The following ARVCF variants were observed in gnomAD, a reference collection of about 807,000 sequenced individuals.
ARVCF encodes ARVCF delta catenin family member.
In ARVCF, 66 loss-of-function variants were observed where a neutral mutation model predicts 90.9. The ratio of observed to expected loss-of-function variants is 0.73; its 90% CI spans 0.60 to 0.89. ARVCF has a LOEUF of 0.89. ARVCF is among the 40% of genes least tolerant of loss of function. The probability of loss-of-function intolerance (pLI) is 0.00; values close to 1 mark genes in which losing one functional copy is unlikely to be tolerated. For missense variants in ARVCF, 1,469 were observed against 1,382.3 expected, an observed-to-expected ratio of 1.06 and a Z score of -1.00; for synonymous variants, 653 against 603.4, an observed-to-expected ratio of 1.08 and a Z score of -1.21.
At position 20,006,894 on chromosome 22, in the gene ARVCF, T is replaced by C. The variant is rs1280111033; in HGVS notation, c.-19+3561A>G. Among the ~76,000 whole-genome samples, 10 of 151,862 alleles carry C rather than the reference T, an allele frequency of 6.6e-5. No individual in the cohort carries two copies. The East Asian group carries it at 1.8e-3, about 27-fold the overall frequency. On this transcript the variant is annotated intron_variant, in intron 2 of 19. Coordinates refer to ENST00000263207, the MANE Select transcript of ARVCF (RefSeq NM_001670.3). ...ATCTGCCTGCCTCAGCCTCCCAAAG[T>C]GCTGGGATTACAAGCATGAGCCACC... is the stretch of plus-strand genomic sequence containing the variant.
Position 19,978,012 on chromosome 22 carries a change from G to A in ARVCF, c.1644C>T (p.Asp548=), listed in dbSNP as rs746128417. ...RRLRECEGLV[D]ALLHALQSAV... ...CCGACTGCAGGGCATGCAGGAGCGC[G>A]TCCACCAGCCCTTCACACTCCCGGA... Residue 548 remains aspartate (D), a synonymous_variant, in exon 8 of 20, where the codon GAC becomes GAT. Coordinates refer to ENST00000263207, the MANE Select transcript of ARVCF (RefSeq NM_001670.3). 1.4e-5 allele frequency: 23 copies of A among 1,612,090 alleles called. No homozygotes were observed. The highest frequency in any genetic ancestry group is 8.8e-5 in the South Asian group (8 of 91,012).
chr22:19,974,162 G>C lies in ARVCF; in HGVS notation c.2038C>G (p.Leu680Val). ...TGCAGAGCGCCGGCGGCAGCCTCCA[G>C]GGTGTTGAAGTTCCGGCTCTCCGTG... ...LLTESRNFNT[L>V]EAAAGALQNL... is the part of the protein sequence containing the mutation. The change falls in exon 12 of 20, where the codon CTG (leucine) becomes GTG (valine). Residue 680 changes from leucine to valine, a missense_variant. Physicochemically the swap from Leu to Val is conservative, Grantham distance 32 (BLOSUM62 1). Transcript: ENST00000263207. 1.2e-6 allele frequency: 2 copies of C among 1,613,082 alleles called. No homozygotes were observed. Among genetic ancestry groups the C allele is most frequent in the Non-Finnish European group, 1.7e-6 (2 of 1,179,850 alleles).
At chr22:19,968,747 G>T (rs138327309), downstream of ARVCF, 37 of 1,348,112 alleles carry the variant, frequency 2.7e-5, no homozygotes, top group Non-Finnish European at 3.8e-5. Flanking sequence ...CTGCCCCCCC[G>T]GCCCCCCTCT....
In ARVCF at chr22:19,990,755, C is replaced by T. The variant is rs200353808; in HGVS notation, c.40G>A (p.Ala14Thr). Residue 14 changes from alanine (A) to threonine (T), a missense_variant, in exon 3 of 20, where the codon GCC becomes ACC. Coordinates refer to ENST00000263207, the MANE Select transcript of ARVCF (RefSeq NM_001670.3). ...CGGGCCTCCTGCTCCTTCACCGAGG[C>T]CAGGATGCTGGCGGCCGAGTGCACA... ...CNVHSAASIL[A>T]SVKEQEARFE... 2.5e-6 allele frequency: 4 copies of T among 1,587,514 alleles called. No individual in the cohort carries two copies. Among genetic ancestry groups the T allele is most frequent in the East Asian group, 4.6e-5 (2 of 43,458 alleles).
intron 2 of ARVCF, among the ~76,000 whole-genome samples, chr22:20,003,877 G>A (rs904325034): frequency 7.2e-5 from 11 of 152,018 alleles, no homozygotes; most frequent in Admixed American, 2.0e-4. Flanking sequence ...GAGTAATTAG[G>A]CAAGAAAAAG....
At position 19,977,978 on chromosome 22, in the gene ARVCF, G is replaced by A. The variant is rs139920129; in HGVS notation, c.1678C>T (p.Arg560Trp). 830 of 1,609,488 alleles carry A rather than the reference G, an allele frequency of 5.2e-4. No individual in the cohort carries two copies. Among genetic ancestry groups the A allele is most frequent in the Non-Finnish European group, 5.8e-4 (688 of 1,178,166 alleles). The change falls in exon 8 of 20, where the codon CGG becomes TGG. Residue 560 changes from arginine (R) to tryptophan (W), a missense_variant. By Grantham distance (101) the Arg-to-Trp change is moderately radical. Transcript: ENST00000263207. ...LLHALQSAVG[R>W]KDTDNKSVEN... ...CCCACCTTGTTGTCAGTGTCCTTCC[G>A]GCCCACAGCCGACTGCAGGGCATGC... is the stretch of plus-strand genomic sequence containing the variant.
At chr22:20,009,259 G>A (rs1393652319) in intron 2 of ARVCF, among the ~76,000 whole-genome samples, 1 of 152,230 alleles carries the variant, frequency 6.6e-6, no homozygotes, top group Non-Finnish European at 1.5e-5. Flanking sequence ...CCAGACGCTG[G>A]TCCTCCCACA....
At position 19,979,684 on chromosome 22, in the gene ARVCF, G is replaced by A; in HGVS notation, c.1396+59C>T. 2.6e-6 allele frequency: 4 copies of A among 1,517,218 alleles called. No homozygotes were observed. In the South Asian group the frequency reaches 5.2e-5, roughly 20 times the overall value. The allele number at this position is 1,517,218 out of a possible 1,614,324, so 94.0% of individuals were successfully genotyped here. A position where few individuals can be genotyped will look rare whatever the true frequency, so the allele number is the denominator to read the frequency against. On this transcript the variant is annotated intron_variant, in intron 6 of 19. Transcript: ENST00000263207. ...AGGCCGAGTGGCCTCGTTCCTCCCG[G>A]GTTGAGCCTCACACTCTTCTCTTCC...
chr22:19,977,512 C>T lies in ARVCF; in HGVS notation c.1773G>A (p.Arg591=). 1 of 1,598,734 alleles carries T rather than the reference C, an allele frequency of 6.3e-7. No individual in the cohort carries two copies. Residue 591 remains arginine (R), a synonymous_variant, in exon 9 of 20, where the codon AGG becomes AGA. Coordinates refer to ENST00000263207, the MANE Select transcript of ARVCF (RefSeq NM_001670.3). The stretch of plus-strand genomic sequence containing the variant: ...GGGGCCCGGGCTCGGCCTCCTGGTA[C>T]CTGTCGGCCCCGGGCACCTCCTTGT... The part of the protein sequence containing the change: ...HVHKEVPGAD[R]YQEAEPGPLG...
chr22:19,972,563 C>A, intron 16 of ARVCF, 152 bp from the exon 17 acceptor site: 1 of 1,224,622 alleles, frequency 8.2e-7, no homozygotes, highest in Non-Finnish European at 1.1e-6. Flanking sequence ...CCCAGCTTGA[C>A]AACAGCGCGG....
At position 19,972,816 on chromosome 22, in the gene ARVCF, A is replaced by G; in HGVS notation, c.2562T>C (p.Ala854=). ...GTGCTCCCTTAGGCCCCTTGGCAGT[A>G]GCAGCAGCTGACTGAGACATAAAAC... ...WTKARFQSAA[A]TAKGPKGALS... The change falls in exon 16 of 20, where the codon GCT becomes GCC. Residue 854 remains alanine (A), a synonymous_variant. Transcript: ENST00000263207. The G allele has an allele frequency of 6.2e-7, 1 of 1,613,610 alleles. No homozygotes were observed. The highest frequency in any genetic ancestry group is 1.3e-5 in the African/African-American group (1 of 75,050).
Position 19,979,034 on chromosome 22 carries a change from G to A in ARVCF, c.1443C>T (p.Ile481=). The A allele has an allele frequency of 6.2e-7, 1 of 1,613,418 alleles. No homozygotes were observed. The highest frequency in any genetic ancestry group is 8.5e-7 in the Non-Finnish European group (1 of 1,179,918). Residue 481 remains isoleucine (I), a synonymous_variant, in exon 7 of 20, where the codon ATC becomes ATT. Coordinates refer to ENST00000263207, the MANE Select transcript of ARVCF (RefSeq NM_001670.3). ...LSSYEPLKMV[I]IDHGLQTLTH... The stretch of plus-strand genomic sequence containing the variant: ...TCAGCGTCTGCAGGCCATGGTCAAT[G>A]ATGACCATCTTCAGGGGCTCATAGG...
At chr22:19,969,813 G>A, downstream of ARVCF, 2 of 983,392 alleles carry the variant, frequency 2.0e-6, no homozygotes, top group Non-Finnish European at 2.4e-6. Flanking sequence ...CTCCACCCAG[G>A]GCCCTGCCCC....
intron 5 of ARVCF, chr22:19,980,691 G>C (rs1280847877): frequency 2.1e-5 from 4 of 189,634 alleles, no homozygotes; most frequent in African/African-American, 7.0e-5. Context: ...CATCCCAGTA[G>C]GACCACCTGA....
downstream of ARVCF, among the ~76,000 whole-genome samples, chr22:19,966,470 C>T (rs1165825308): frequency 2.0e-5 from 3 of 149,970 alleles, no homozygotes; most frequent in Non-Finnish European, 4.4e-5. Flanking sequence ...AAGACAGAGT[C>T]TTGCTCTGTG....
chr22:20,013,489 G>T (rs1313919487), intron 1 of ARVCF, among the ~76,000 whole-genome samples: 2 of 152,204 alleles, frequency 1.3e-5, no homozygotes, highest in Non-Finnish European at 2.9e-5. Context: ...AGGCGGCTTG[G>T]AGGCCGAGCT....
At chr22:19,984,905 G>C (rs1387108397) in intron 3 of ARVCF, among the ~76,000 whole-genome samples, 1 of 152,184 alleles carries the variant, frequency 6.6e-6, no homozygotes, top group African/African-American at 2.4e-5. Flanking sequence ...GTAGTGAGAG[G>C]CCCATAGCCA....
rs796400537 is a variant in ARVCF at position 19,977,726 on chromosome 22, C to T, written c.1699-140G>A. ...TCCTCAGTGGAGGGGAGCAAAAGGG[C>T]GGTAACCGCCAGGAAGGGTCCATGG... On this transcript the variant is annotated intron_variant, in intron 8 of 19. Transcript: ENST00000263207. The T allele has an allele frequency of 5.0e-5, 63 of 1,252,016 alleles. 1 individual carries two copies. The highest frequency in any genetic ancestry group is 2.0e-4 in the African/African-American group (13 of 65,844). The allele number at this position is 1,252,016 out of a possible 1,614,324, so 77.6% of individuals were successfully genotyped here.
At chr22:19,972,868 G>A (rs1942900769) in intron 15 of ARVCF, 41 bp from the exon 16 acceptor site, 1 of 1,613,596 alleles carries the variant, frequency 6.2e-7, no homozygotes, top group Non-Finnish European at 8.5e-7. Context: ...TGAAGCACAT[G>A]GAGTGGGAAT....
Sources: allele counts gnomAD v4.1 joint callset (sites outside exome capture counted in the v4.1 genomes callset), GRCh38; gene constraint gnomAD v4.1.1; transcripts MANE v1.5; gene names NCBI Gene and HGNC (gene_info 2026-07-23, HGNC 2026-07-21).